DRC3: variants seen among roughly 807,000 people sequenced by gnomAD.
DRC3 encodes leucine rich repeat containing 48.
Under a neutral mutation model 57.6 loss-of-function variants are expected in DRC3, and 45 were observed. The observed-to-expected ratio is 0.78, with a 90% CI of 0.62 to 1.00. DRC3 has a LOEUF of 1.00. Among genes scored for constraint, DRC3 ranks in the 50% least tolerant of loss-of-function variants. The probability of loss-of-function intolerance (pLI) is 0.00; values close to 1 mark genes in which losing one functional copy is unlikely to be tolerated. For synonymous variants in DRC3, 257 were observed against 272.3 expected, an observed-to-expected ratio of 0.94 and a Z score of 0.55; for missense variants, 655 against 675.2, an observed-to-expected ratio of 0.97 and a Z score of 0.33.
intron 3 of DRC3, among the ~76,000 whole-genome samples, chr17:17,979,346 C>T (rs1288065583): frequency 2.6e-5 from 4 of 151,898 alleles, no homozygotes; most frequent in African/African-American, 9.7e-5. Context: ...AGAAGTGGGA[C>T]AGGATGGGAC....
intron 4 of DRC3, among the ~76,000 whole-genome samples, chr17:17,987,258 CA>C (rs1256307584): frequency 2.1e-4 from 32 of 149,178 alleles, no homozygotes; most frequent in Admixed American, 2.1e-3. Flanking sequence ...CTTTTATTCC[CA>C]AAGATGTGGA....
intron 12 of DRC3, among the ~76,000 whole-genome samples, chr17:18,013,123 A>C (rs1324033094): frequency 6.6e-6 from 1 of 152,218 alleles, no homozygotes; most frequent in Non-Finnish European, 1.5e-5. Context: ...CCCACTTAGG[A>C]TGATAATTAT....
upstream of DRC3, chr17:17,972,859 C>G (rs528869359): frequency 6.5e-6 from 1 of 153,060 alleles, no homozygotes. Context: ...TCAACTTTCA[C>G]CCAGGATGTC....
intron 4 of DRC3, among the ~76,000 whole-genome samples, chr17:17,984,347 A>G (rs2042857512): frequency 7.3e-6 from 1 of 137,472 alleles, no homozygotes; most frequent in South Asian, 2.5e-4. Flanking sequence ...AGTGTGTATC[A>G]AGCACTTAAC....
intron 11 of DRC3, 139 bp from the exon 12 acceptor site, chr17:18,006,885 A>G (rs1052972231): frequency 1.5e-6 from 2 of 1,370,322 alleles, no homozygotes; most frequent in African/African-American, 2.9e-5. Context: ...CAGGGTTCGG[A>G]GCTTGTGAGT....
intron 9 of DRC3, among the ~76,000 whole-genome samples, chr17:18,003,422 T>C (rs1176245081): frequency 7.7e-6 from 1 of 130,128 alleles, no homozygotes; most frequent in African/African-American, 2.9e-5. Flanking sequence ...GAGGCAGAGG[T>C]TGCAGTGACC....
At chr17:17,983,472 G>A (rs907199710) in intron 3 of DRC3, among the ~76,000 whole-genome samples, 1 of 152,168 alleles carries the variant, frequency 6.6e-6, no homozygotes, top group Non-Finnish European at 1.5e-5. Context: ...TCTGTGTCCT[G>A]TGTCCTAAGG....
chr17:18,004,118 CAT>C (rs761546120), intron 9 of DRC3, among the ~76,000 whole-genome samples: 30 of 152,270 alleles, frequency 2.0e-4, no homozygotes, highest in African/African-American at 6.3e-4. Flanking sequence ...AAGAGCCTCA[CAT>C]GTGTTCTCTC....
Position 17,981,243 on chromosome 17 carries a change from G to T in DRC3, c.161-2585G>T, listed in dbSNP as rs77521760. The stretch of plus-strand genomic sequence containing the variant: ...TTTGCTTCCTCCAGGAAAAACAGCA[G>T]ATGAACCCAAAGGGGAACAGGATGA... On this transcript the variant is annotated intron_variant, in intron 3 of 13. Transcript: ENST00000399187. The T allele has an allele frequency of 5.4e-3, 1,462 of 270,738 alleles. 28 individuals are homozygous for T. Among genetic ancestry groups the T allele is most frequent in the East Asian group, 0.031 (372 of 12,156 alleles). The allele number at this position is 270,738 out of a possible 1,614,324, so 16.8% of individuals were successfully genotyped here. A position where few individuals can be genotyped will look rare whatever the true frequency, so the allele number is the denominator to read the frequency against.
intron 13 of DRC3, 60 bp from the exon 14 acceptor site, chr17:18,016,498 A>G (rs950390292): frequency 7.3e-6 from 9 of 1,237,042 alleles, no homozygotes; most frequent in Non-Finnish European, 4.7e-6. Context: ...AACTGGATTC[A>G]GTGAAAGATA....
At chr17:17,984,829 C>T (rs1167800928) in intron 4 of DRC3, among the ~76,000 whole-genome samples, 3 of 152,232 alleles carry the variant, frequency 2.0e-5, no homozygotes, top group African/African-American at 7.2e-5. Context: ...CGTGAGCCTT[C>T]CAATTTGCCA....
intron 9 of DRC3, 40 bp from the exon 10 acceptor site, chr17:18,004,323 C>G (rs1369129310): frequency 3.2e-6 from 5 of 1,572,208 alleles, no homozygotes; most frequent in Non-Finnish European, 4.3e-6. Flanking sequence ...TCTAATTACA[C>G]TTAGTTGTTG....
intron 5 of DRC3, among the ~76,000 whole-genome samples, chr17:17,990,015 T>G (rs987568109): frequency 6.6e-6 from 1 of 152,252 alleles, no homozygotes; most frequent in African/African-American, 2.4e-5. Flanking sequence ...GAGTTCCTTC[T>G]GCCTCTGGGC....
chr17:17,977,177 G>A (rs778451792), intron 2 of DRC3, among the ~76,000 whole-genome samples: 1 of 152,218 alleles, frequency 6.6e-6, no homozygotes, highest in Non-Finnish European at 1.5e-5. Context: ...CCTGGCTGGG[G>A]CTGCCCAGGG....
At chr17:17,986,169 C>T (rs1022351792) in intron 4 of DRC3, among the ~76,000 whole-genome samples, 7 of 152,224 alleles carry the variant, frequency 4.6e-5, no homozygotes, top group Admixed American at 2.6e-4. Flanking sequence ...GCCTCAGCCT[C>T]GCAAAGTGCC....
intron 9 of DRC3, among the ~76,000 whole-genome samples, chr17:18,003,299 A>G (rs944229510): frequency 8.6e-5 from 13 of 151,728 alleles, no homozygotes; most frequent in South Asian, 2.1e-4. Context: ...CCTGGCCAAG[A>G]TGGTGAAACC....
At chr17:18,014,321 T>G (rs1198503399) in intron 12 of DRC3, among the ~76,000 whole-genome samples, 3 of 152,182 alleles carry the variant, frequency 2.0e-5, no homozygotes, top group African/African-American at 7.2e-5. Context: ...CAAAAAAGAC[T>G]CAGGAATACC....
At chr17:17,975,446 G>C (rs760204260) in intron 2 of DRC3, among the ~76,000 whole-genome samples, 10 of 151,940 alleles carry the variant, frequency 6.6e-5, no homozygotes, top group Non-Finnish European at 1.3e-4. Flanking sequence ...TCCTGACCTT[G>C]TGATCCGCCC....
intron 9 of DRC3, among the ~76,000 whole-genome samples, chr17:17,998,707 C>A (rs2043564765): frequency 6.6e-6 from 1 of 152,148 alleles, no homozygotes; most frequent in Non-Finnish European, 1.5e-5. Context: ...ATTCCTGTCT[C>A]ATTAACCTCC....
Sources: gnomAD v4.1 joint callset for allele counts (sites outside exome capture counted in the v4.1 genomes callset) on GRCh38, gnomAD v4.1.1 for gene constraint, MANE v1.5 for transcripts, NCBI Gene and HGNC (gene_info 2026-07-23, HGNC 2026-07-21) for gene names.